GPHN: variants seen among roughly 807,000 people sequenced by gnomAD.
GPHN encodes gephyrin.
A neutral mutation model predicts 95.5 loss-of-function variants in GPHN; 17 were observed. That is an observed-to-expected ratio of 0.18 (90% CI 0.12 to 0.27). GPHN has a LOEUF of 0.27. GPHN is among the 10% of genes least tolerant of loss of function. The pLI, the probability that GPHN is intolerant of heterozygous loss-of-function variation, is 1.00. For missense variants in GPHN, 660 were observed against 978.1 expected (o/e 0.67, Z 4.34); for synonymous variants, 320 against 322.5 (o/e 0.99, Z 0.08).
chr14:67,203,347 T>G, the GPHN span: 1 of 1,406,136 alleles, frequency 7.1e-7, no homozygotes, highest in Non-Finnish European at 9.6e-7. Context: ...GCATTAGCCC[T>G]GTGGATCTGA....
chr14:66,902,155 G>T (rs1042049661), intron 5 of GPHN, among the ~76,000 whole-genome samples: 1 of 151,802 alleles, frequency 6.6e-6, no homozygotes. Context: ...TTGCTTTCTT[G>T]ATTTCTTTTT....
At chr14:67,400,962 C>T in the GPHN span, among the ~76,000 whole-genome samples, 1 of 151,380 alleles carries the variant, frequency 6.6e-6, no homozygotes, top group Non-Finnish European at 1.5e-5. Flanking sequence ...AGCACTCCAA[C>T]CTGGGTGACA....
the GPHN span, chr14:67,724,487 G>T: frequency 1.2e-6 from 2 of 1,612,858 alleles, no homozygotes; most frequent in Non-Finnish European, 1.7e-6. Context: ...TTCTTTGCTG[G>T]TGGAGTGTGT....
chr14:66,902,805 G>A (rs1334834262), intron 5 of GPHN, among the ~76,000 whole-genome samples: 1 of 152,020 alleles, frequency 6.6e-6, no homozygotes, highest in Non-Finnish European at 1.5e-5. Flanking sequence ...ATTGGGGAGG[G>A]TGGCCTGGGT....
chr14:67,193,561 ATATC>A, the GPHN span, among the ~76,000 whole-genome samples: 8 of 144,868 alleles, frequency 5.5e-5, no homozygotes, highest in African/African-American at 2.0e-4. Flanking sequence ...ATATAGATCT[ATATC>A]TATATAGATC....
At chr14:67,718,059 C>G in the GPHN span, among the ~76,000 whole-genome samples, 7 of 152,236 alleles carry the variant, frequency 4.6e-5, no homozygotes, top group East Asian at 9.6e-4. Flanking sequence ...AAAGGAACAA[C>G]AAGTCATTAT....
At chr14:67,439,532 AGTTTCTTT>A in the GPHN span, among the ~76,000 whole-genome samples, 29 of 126,838 alleles carry the variant, frequency 2.3e-4, no homozygotes, top group African/African-American at 8.1e-4. Flanking sequence ...GAAATTCAAT[AGTTTCTTT>A]CTTTCTTTCT....
At chr14:67,656,647 C>G in the GPHN span, 1 of 1,525,040 alleles carries the variant, frequency 6.6e-7, no homozygotes, top group African/African-American at 1.4e-5. Flanking sequence ...TCATTGCCAG[C>G]ATATTCCTCA....
chr14:66,785,264 G>A lies in GPHN; in HGVS notation c.201+8743G>A, dbSNP rs942184173. 8.5e-5 allele frequency among the ~76,000 whole-genome samples: 13 copies of A among 152,324 alleles called. No individual in the cohort carries two copies. The East Asian group carries it at 2.1e-3, about 25-fold the overall frequency. On this transcript the variant is annotated intron_variant, in intron 3 of 22. Coordinates refer to ENST00000478722, the MANE Select transcript of GPHN (RefSeq NM_020806.5). ...GCCTGTAGTCCCCACGACTCAGGAG[G>A]CTGAGGCAGGAGAATCTCTTGAACC... is the stretch of plus-strand genomic sequence containing the variant.
intron 4 of GPHN, among the ~76,000 whole-genome samples, chr14:66,877,397 C>A (rs112756354): frequency 6.6e-6 from 1 of 152,016 alleles, no homozygotes; most frequent in Non-Finnish European, 1.5e-5. Flanking sequence ...AGCAATCAGG[C>A]AAGAGAAAGA....
the GPHN span, chr14:67,555,957 G>A: frequency 2.4e-3 from 3,798 of 1,557,160 alleles, 60 homozygotes; most frequent in African/African-American, 0.032. Context: ...CCCTTCCCAC[G>A]GACACAGGTG....
At chr14:66,839,345 T>C (rs1450494172) in intron 4 of GPHN, among the ~76,000 whole-genome samples, 1 of 152,208 alleles carries the variant, frequency 6.6e-6, no homozygotes, top group Non-Finnish European at 1.5e-5. Flanking sequence ...ATTATAGCCA[T>C]GAGTGCCACT....
intron 3 of GPHN, among the ~76,000 whole-genome samples, chr14:66,808,286 C>T (rs2060627883): frequency 6.6e-6 from 1 of 152,004 alleles, no homozygotes; most frequent in Admixed American, 6.5e-5. Context: ...GATATGAATC[C>T]TTTGATACAT....
intron 1 of GPHN, among the ~76,000 whole-genome samples, chr14:66,563,059 A>G (rs912185996): frequency 1.3e-5 from 2 of 152,166 alleles, no homozygotes; most frequent in Non-Finnish European, 2.9e-5. Context: ...TTCTGCCTAC[A>G]AACTATGCAT....
intron 17 of GPHN, among the ~76,000 whole-genome samples, chr14:67,138,473 A>T (rs976832827): frequency 2.5e-4 from 38 of 152,306 alleles, no homozygotes; most frequent in African/African-American, 9.1e-4. Context: ...TCATGATTAT[A>T]ACCCTTGTTA....
the GPHN span, among the ~76,000 whole-genome samples, chr14:67,640,015 A>G: frequency 6.6e-6 from 1 of 151,538 alleles, no homozygotes; most frequent in Non-Finnish European, 1.5e-5. Context: ...CTTGAAGGTT[A>G]ATTAAAGCTT....
chr14:67,053,306 T>C (rs995122257), intron 10 of GPHN, among the ~76,000 whole-genome samples: 10 of 149,058 alleles, frequency 6.7e-5, no homozygotes, highest in African/African-American at 2.5e-4. Context: ...CACAGAAATA[T>C]GAACAACCAT....
intron 2 of GPHN, among the ~76,000 whole-genome samples, chr14:66,754,873 T>C (rs1016330864): frequency 2.0e-5 from 3 of 152,026 alleles, no homozygotes; most frequent in African/African-American, 7.2e-5. Context: ...GTGTTTTATA[T>C]TTGTTTTTCC....
the GPHN span, among the ~76,000 whole-genome samples, chr14:67,245,623 A>T: frequency 1.3e-5 from 2 of 152,168 alleles, no homozygotes; most frequent in Non-Finnish European, 2.9e-5. Context: ...AAGTGGTGGG[A>T]TAACACGCAT....
Sources: gnomAD v4.1 joint callset for allele counts (sites outside exome capture counted in the v4.1 genomes callset) on GRCh38, gnomAD v4.1.1 for gene constraint, MANE v1.5 for transcripts, NCBI Gene and HGNC (gene_info 2026-07-23, HGNC 2026-07-21) for gene names.